AGTPBP1: variants seen among roughly 807,000 people sequenced by gnomAD.
AGTPBP1 encodes ATP/GTP binding carboxypeptidase 1.
A neutral mutation model predicts 143.9 loss-of-function variants in AGTPBP1; 70 were observed. The observed-to-expected ratio is 0.49, with a 90% CI of 0.40 to 0.59. The LOEUF (loss-of-function observed/expected upper bound fraction) is 0.59. AGTPBP1 is among the 20% of genes least tolerant of loss of function. The pLI is 0.00. For synonymous variants in AGTPBP1, 463 were observed against 500.2 expected (o/e 0.93, Z 0.99); for missense variants, 1,229 against 1,464.5 (o/e 0.84, Z 2.62).
chr9:85,770,848 C>A, the AGTPBP1 span, among the ~76,000 whole-genome samples: 31 of 152,018 alleles, frequency 2.0e-4, no homozygotes, highest in African/African-American at 7.2e-4. Flanking sequence ...CAAGGGCCCT[C>A]CAAGTTTTGA....
chr9:85,661,003 C>T lies in AGTPBP1; in HGVS notation c.663-30G>A, dbSNP rs1232534236. ...CAACACAACAAGAAAACACAAACAA[C>T]AACAAAACTAGTAAAATTAATCTAC... On this transcript the variant is annotated intron_variant, in intron 8 of 25. Coordinates refer to ENST00000357081, the MANE Select transcript of AGTPBP1 (RefSeq NM_001330701.2). 4 of 1,568,408 alleles carry T rather than the reference C, an allele frequency of 2.6e-6. No individual in the cohort carries two copies. The South Asian group carries it at 3.6e-5, about 14-fold the overall frequency.
At chr9:85,753,412 A>T in the AGTPBP1 span, 2 of 1,613,810 alleles carry the variant, frequency 1.2e-6, no homozygotes, top group Non-Finnish European at 8.5e-7. Flanking sequence ...AGTATAGACC[A>T]TCTCCAGGTT....
chr9:85,760,284 C>T, the AGTPBP1 span, among the ~76,000 whole-genome samples: 81,696 of 151,460 alleles, frequency 0.54, 23,575 homozygotes, highest in Non-Finnish European at 0.67. Context: ...CCAGCATCAT[C>T]CTGATACCAA....
intron 1 of AGTPBP1, among the ~76,000 whole-genome samples, chr9:85,718,151 G>A (rs1438567508): frequency 6.6e-6 from 1 of 152,148 alleles, no homozygotes; most frequent in Non-Finnish European, 1.5e-5. Context: ...GTATGCATGT[G>A]TCTTTATAGC....
At chr9:85,628,697 G>T (rs1176797805) in intron 14 of AGTPBP1, among the ~76,000 whole-genome samples, 1 of 152,026 alleles carries the variant, frequency 6.6e-6, no homozygotes, top group Non-Finnish European at 1.5e-5. Context: ...AACAGAGTTG[G>T]TTGTTTTTGT....
At chr9:85,796,911 C>T in the AGTPBP1 span, among the ~76,000 whole-genome samples, 10 of 151,816 alleles carry the variant, frequency 6.6e-5, no homozygotes, top group African/African-American at 2.2e-4. Flanking sequence ...CTCAGCCTCC[C>T]GAGTAGCTGG....
Position 85,552,596 on chromosome 9 carries a change from G to A in AGTPBP1, c.3504-5310C>T, listed in dbSNP as rs528041770. On this transcript the variant is annotated intron_variant, in intron 25 of 25. Transcript: ENST00000357081. The stretch of plus-strand genomic sequence containing the variant: ...TCTCTCTGAGCACAGGTTTCTCAGT[G>A]TAAAGCAGAGATAACAATATCAGTC... Among the ~76,000 whole-genome samples the A allele has an allele frequency of 3.9e-5, 6 of 152,330 alleles. No homozygotes were observed. In the South Asian group the frequency reaches 1.2e-3, roughly 32 times the overall value.
At chr9:85,590,992 T>C (rs748818941) in intron 19 of AGTPBP1, among the ~76,000 whole-genome samples, 6 of 152,172 alleles carry the variant, frequency 3.9e-5, no homozygotes, top group Non-Finnish European at 5.9e-5. Flanking sequence ...ATATATTTTA[T>C]GTGAATCAGA....
intron 24 of AGTPBP1, among the ~76,000 whole-genome samples, chr9:85,577,388 A>G (rs1214471043): frequency 2.6e-5 from 4 of 152,216 alleles, no homozygotes; most frequent in African/African-American, 9.6e-5. Context: ...TCTTATAAAA[A>G]AGTGATTCTC....
intron 7 of AGTPBP1, 74 bp from the exon 8 acceptor site, chr9:85,669,652 T>C (rs1834359064): frequency 3.3e-6 from 3 of 920,414 alleles, no homozygotes; most frequent in Admixed American, 3.7e-5. Flanking sequence ...TAGTGATACA[T>C]AGGCAAAAAC....
intron 2 of AGTPBP1, among the ~76,000 whole-genome samples, chr9:85,694,802 T>C (rs758232279): frequency 6.6e-6 from 1 of 152,172 alleles, no homozygotes; most frequent in East Asian, 1.9e-4. Context: ...CAACCTCTGA[T>C]AGCTTCACCA....
chr9:85,657,493 A>G lies in AGTPBP1; in HGVS notation c.851T>C (p.Leu284Ser). The change falls in exon 10 of 26, where the codon TTG becomes TCG. Residue 284 changes from leucine to serine, a missense_variant. This residue lies in a region of AGTPBP1 where 743 missense variants were observed against 812.2 expected (regional missense o/e 0.91). Coordinates refer to ENST00000357081, the MANE Select transcript of AGTPBP1 (RefSeq NM_001330701.2). ...QSLKSVTNIK[L>S]GRKAFIDANG... is the part of the protein sequence containing the mutation. ...GGCATCAATAAATGCTTTTCTTCCC[A>G]ACTTGATGTTTGTAACACTTTTTAA... 6.2e-7 allele frequency: 1 copy of G among 1,613,886 alleles called. No homozygotes were observed. The highest frequency in any genetic ancestry group is 8.5e-7 in the Non-Finnish European group (1 of 1,179,910).
chr9:85,577,442 A>G (rs1467537568), intron 24 of AGTPBP1, among the ~76,000 whole-genome samples: 1 of 152,204 alleles, frequency 6.6e-6, no homozygotes, highest in East Asian at 1.9e-4. Flanking sequence ...GAGACCCTTA[A>G]CAACAGTTGT....
At chr9:85,742,906 G>A (rs1401266460), upstream of AGTPBP1, among the ~76,000 whole-genome samples, 1 of 152,146 alleles carries the variant, frequency 6.6e-6, no homozygotes, top group Non-Finnish European at 1.5e-5. Flanking sequence ...TGAGATTTTT[G>A]TTTTGTTTTA....
At chr9:85,692,560 C>G in intron 3 of AGTPBP1, 129 bp downstream of exon 3, 1 of 1,134,110 alleles carries the variant, frequency 8.8e-7, no homozygotes, top group Non-Finnish European at 1.2e-6. Flanking sequence ...AGGTGTGAGC[C>G]ACCACACCCG....
the AGTPBP1 span, among the ~76,000 whole-genome samples, chr9:85,785,041 G>T: frequency 4.6e-5 from 7 of 152,068 alleles, no homozygotes; most frequent in African/African-American, 1.7e-4. Flanking sequence ...ACTTTGTCTT[G>T]GCAGGACTGG....
intron 1 of AGTPBP1, chr9:85,741,443 G>A: frequency 1.0e-6 from 1 of 985,278 alleles, no homozygotes; most frequent in Non-Finnish European, 1.2e-6. Context: ...CCGAGAGAAA[G>A]GGCTGAGCAG....
chr9:85,680,073 C>T (rs1015418365), intron 4 of AGTPBP1, among the ~76,000 whole-genome samples: 9 of 152,182 alleles, frequency 5.9e-5, no homozygotes, highest in African/African-American at 2.2e-4. Flanking sequence ...ATAAATAATA[C>T]TAAATTCCCA....
At position 85,621,234 on chromosome 9, in the gene AGTPBP1, T is replaced by C; in HGVS notation, c.2067A>G (p.Ile689Met). The change falls in exon 15 of 26, where the codon ATA (isoleucine) becomes ATG (methionine). Residue 689 changes from isoleucine (I) to methionine (M), a missense_variant. Coordinates refer to ENST00000357081, the MANE Select transcript of AGTPBP1 (RefSeq NM_001330701.2). The stretch of plus-strand genomic sequence containing the variant: ...TATCCAAGTCATATACCACACGATC[T>C]ATGATATCACTCTGATGTATTAGCC... The part of the protein sequence containing the change: ...IERLIHQSDI[I>M]DRVVYDLDNP... 6.8e-7 allele frequency: 1 copy of C among 1,472,934 alleles called. No homozygotes were observed. 91.2% of individuals were successfully genotyped at this position (1,472,934 alleles called of 1,614,324 possible). A position where few individuals can be genotyped will look rare whatever the true frequency, so the allele number is the denominator to read the frequency against.
Sources: gnomAD v4.1 joint callset for allele counts (sites outside exome capture counted in the v4.1 genomes callset) on GRCh38, gnomAD v4.1.1 for gene constraint, gnomAD v4.1.1 regional missense constraint, MANE v1.5 for transcripts, NCBI Gene and HGNC (gene_info 2026-07-23, HGNC 2026-07-21) for gene names.